PRPF18: variants seen among roughly 807,000 people sequenced by gnomAD.
PRPF18 encodes pre-mRNA processing factor 18.
A neutral mutation model predicts 46.5 loss-of-function variants in PRPF18; 38 were observed. That is an observed-to-expected ratio of 0.82 (90% CI 0.63 to 1.07). The LOEUF is 1.07. Ranked by LOEUF, PRPF18 falls within the 50% of genes least tolerant of loss-of-function variation. The pLI is 0.00. For synonymous variants in PRPF18, 152 were observed against 146.7 expected (o/e 1.04, Z -0.26); for missense variants, 263 against 410.0 (o/e 0.64, Z 3.10).
intron 1 of PRPF18, among the ~76,000 whole-genome samples, chr10:13,589,237 C>T (rs1177251076): frequency 6.6e-6 from 1 of 152,166 alleles, no homozygotes; most frequent in Admixed American, 6.5e-5. Flanking sequence ...GGGAAGTTGT[C>T]TGCCAAATAC....
chr10:13,592,015 C>T, intron 1 of PRPF18: 1 of 694,198 alleles, frequency 1.4e-6, no homozygotes, highest in Non-Finnish European at 2.5e-6. Flanking sequence ...AGTTTAACCA[C>T]CTGGGTACTA....
At chr10:13,588,930 G>A (rs1315973752) in intron 1 of PRPF18, among the ~76,000 whole-genome samples, 2 of 152,188 alleles carry the variant, frequency 1.3e-5, no homozygotes, top group African/African-American at 2.4e-5. Context: ...CATATTAGAA[G>A]TTAAAACTGA....
At chr10:13,644,755 G>GA in the PRPF18 span, 2 of 150,166 alleles carry the variant, frequency 1.3e-5, no homozygotes, top group Non-Finnish European at 3.0e-5. Flanking sequence ...TTGGGAGAAA[G>GA]AAAAATGGCC....
the PRPF18 span, chr10:13,639,772 A>C: frequency 6.6e-6 from 1 of 152,148 alleles, no homozygotes; most frequent in African/African-American, 2.4e-5. Context: ...CTGCTTTGTC[A>C]TGAGACTCTG....
intron 5 of PRPF18, 68 bp downstream of exon 5, chr10:13,610,253 T>G: frequency 6.6e-7 from 1 of 1,525,408 alleles, no homozygotes; most frequent in Non-Finnish European, 8.9e-7. Flanking sequence ...GATGACTGAG[T>G]CGGGCAGATT....
chr10:13,610,220 AC>A (rs1249199241), intron 5 of PRPF18, 35 bp downstream of exon 5: 5 of 1,595,250 alleles, frequency 3.1e-6, no homozygotes, highest in Non-Finnish European at 4.3e-6. Context: ...CATCCCTGGC[AC>A]CCTTCTTTTT....
At chr10:13,605,450 C>T (rs1180976163) in intron 3 of PRPF18, among the ~76,000 whole-genome samples, 181 bp from the exon 4 acceptor site, 4 of 151,714 alleles carry the variant, frequency 2.6e-5, no homozygotes, top group South Asian at 2.1e-4. Context: ...GGTGTGGTGG[C>T]GGGCGCCTGT....
At chr10:13,652,273 A>C in the PRPF18 span, 1 of 438,308 alleles carries the variant, frequency 2.3e-6, no homozygotes, top group South Asian at 2.5e-5. Context: ...ATTTGGCTTG[A>C]GTCCTCACTA....
chr10:13,595,184 C>T (rs2080015999), intron 1 of PRPF18, among the ~76,000 whole-genome samples: 1 of 152,058 alleles, frequency 6.6e-6, no homozygotes, highest in Admixed American at 6.5e-5. Flanking sequence ...AATCTGAGCA[C>T]AATGAAAACG....
At chr10:13,642,147 T>C in the PRPF18 span, 17 of 152,256 alleles carry the variant, frequency 1.1e-4, no homozygotes, top group Admixed American at 7.9e-4. Flanking sequence ...CTCTGACCAC[T>C]CAACTCAGGT....
the PRPF18 span, chr10:13,645,222 C>G: frequency 6.6e-6 from 1 of 152,104 alleles, no homozygotes; most frequent in Non-Finnish European, 1.5e-5. Flanking sequence ...ACATGAAAAG[C>G]GAAGATTTTT....
the PRPF18 span, chr10:13,637,707 C>T: frequency 3.3e-5 from 5 of 152,200 alleles, no homozygotes; most frequent in South Asian, 2.1e-4. Flanking sequence ...TATCTTTGCC[C>T]AATAGATTTT....
At chr10:13,643,282 CA>C in the PRPF18 span, 1 of 152,186 alleles carries the variant, frequency 6.6e-6, no homozygotes, top group East Asian at 1.9e-4. Flanking sequence ...GACGATCCCT[CA>C]AAGCCTAGCT....
intron 1 of PRPF18, among the ~76,000 whole-genome samples, chr10:13,596,076 T>G (rs536076973): frequency 6.6e-6 from 1 of 152,212 alleles, no homozygotes; most frequent in South Asian, 2.1e-4. Flanking sequence ...TCAAGTCAGG[T>G]CAACACGAAG....
intron 6 of PRPF18, 90 bp downstream of exon 6, chr10:13,611,773 C>T (rs569225877): frequency 5.4e-5 from 61 of 1,127,894 alleles, no homozygotes; most frequent in African/African-American, 4.0e-4. Context: ...AAGGCTGGAA[C>T]GGGAAAGCCT....
intron 1 of PRPF18, among the ~76,000 whole-genome samples, chr10:13,588,733 A>G (rs1428920267): frequency 2.6e-5 from 4 of 152,132 alleles, no homozygotes; most frequent in Non-Finnish European, 2.9e-5. Flanking sequence ...GAAAGGTACT[A>G]AAAAGGGGGA....
At chr10:13,617,853 T>A (rs553663707) in intron 9 of PRPF18, among the ~76,000 whole-genome samples, 1 of 152,344 alleles carries the variant, frequency 6.6e-6, no homozygotes, top group South Asian at 2.1e-4. Flanking sequence ...AAAAAAATTC[T>A]TCTTTTGCCC....
chr10:13,588,795 T>C (rs1184675246), intron 1 of PRPF18, among the ~76,000 whole-genome samples: 1 of 152,180 alleles, frequency 6.6e-6, no homozygotes, highest in Non-Finnish European at 1.5e-5. Flanking sequence ...CCTTACTTTA[T>C]TGTGTAGCAG....
chr10:13,631,086 TG>T, downstream of PRPF18: 1 of 151,334 alleles, frequency 6.6e-6, no homozygotes, highest in Non-Finnish European at 1.5e-5. Context: ...CCAGGGAGAG[TG>T]GGGAAATTGT....
Sources: gnomAD v4.1 joint callset for allele counts (sites outside exome capture counted in the v4.1 genomes callset) on GRCh38, gnomAD v4.1.1 for gene constraint, MANE v1.5 for transcripts, NCBI Gene and HGNC (gene_info 2026-07-23, HGNC 2026-07-21) for gene names.